CCDC171: variants seen among roughly 807,000 people sequenced by gnomAD.
CCDC171 encodes the protein coiled-coil domain-containing protein 171.
A neutral mutation model predicts 168.2 loss-of-function variants in CCDC171; 177 were observed. That is an observed-to-expected ratio of 1.05 (90% CI 0.93 to 1.19). The LOEUF is 1.19. CCDC171 is among the 50% of genes most tolerant of loss of function. The pLI, the probability that CCDC171 is intolerant of heterozygous loss-of-function variation, is 0.00. For synonymous variants in CCDC171, 687 were observed against 540.8 expected (o/e 1.27, Z -3.75); for missense variants, 1,991 against 1,539.0 (o/e 1.29, Z -4.91).
the CCDC171 span, among the ~76,000 whole-genome samples, chr9:16,102,496 G>C: frequency 0.023 from 3,434 of 147,832 alleles, 121 homozygotes; most frequent in African/African-American, 0.073. Context: ...GTTGGGGGGG[G>C]GCGGGGGTGG....
intron 1 of CCDC171, among the ~76,000 whole-genome samples, chr9:16,048,957 A>G (rs1833708492): frequency 6.6e-6 from 1 of 151,672 alleles, no homozygotes; most frequent in Non-Finnish European, 1.5e-5. Context: ...GACAAAAAAA[A>G]AAAAAACCCA....
intron 21 of CCDC171, among the ~76,000 whole-genome samples, chr9:15,822,626 C>G (rs1293726920): frequency 6.6e-6 from 1 of 152,022 alleles, no homozygotes; most frequent in African/African-American, 2.4e-5. Context: ...AAATCAAAAC[C>G]ACAGTGAGAT....
At chr9:16,079,737 A>G in the CCDC171 span, among the ~76,000 whole-genome samples, 11 of 152,230 alleles carry the variant, frequency 7.2e-5, no homozygotes, top group Admixed American at 1.3e-4. Flanking sequence ...GTTAGAGCAG[A>G]TTTAGCAACC....
intron 3 of CCDC171, among the ~76,000 whole-genome samples, chr9:15,979,338 G>C (rs1341027805): frequency 6.6e-6 from 1 of 152,146 alleles, no homozygotes; most frequent in Non-Finnish European, 1.5e-5. Flanking sequence ...AGTAGTAGTA[G>C]CAAGAGTGAA....
chr9:15,753,735 T>C (rs1391996841), intron 18 of CCDC171, among the ~76,000 whole-genome samples: 1 of 152,134 alleles, frequency 6.6e-6, no homozygotes, highest in African/African-American at 2.4e-5. Context: ...AGGAAAACTT[T>C]TTTTTAGGGT....
intron 6 of CCDC171, among the ~76,000 whole-genome samples, chr9:15,618,833 G>T (rs1273684838): frequency 6.6e-6 from 1 of 151,830 alleles, no homozygotes; most frequent in Non-Finnish European, 1.5e-5. Context: ...TCCGTGGGTT[G>T]CACCCAGTGC....
chr9:15,673,004 ATTTG>A (rs540125626), intron 9 of CCDC171, among the ~76,000 whole-genome samples: 112 of 152,260 alleles, frequency 7.4e-4, no homozygotes, highest in Non-Finnish European at 1.5e-3. Flanking sequence ...ATATTCTTCC[ATTTG>A]TTTGTGTCCT....
intron 21 of CCDC171, among the ~76,000 whole-genome samples, chr9:15,793,481 C>G (rs2058378739): frequency 6.7e-6 from 1 of 150,132 alleles, no homozygotes; most frequent in African/African-American, 2.5e-5. Flanking sequence ...TAGTAGACCT[C>G]TACAGAACTC....
chr9:15,729,753 G>A lies in CCDC171; in HGVS notation c.2004G>A (p.Glu668=). ...GGCACAGACAAAAGAAGGAACTAGA[G>A]CTGCAGTATTCTGAACTCTTCCTGG... ...SCWHRQKKEL[E]LQYSELFLEV... is the part of the protein sequence containing the mutation. The change falls in exon 16 of 26, where the codon GAG becomes GAA. Residue 668 remains glutamate (E), a synonymous_variant. Transcript: ENST00000380701. 2 of 1,613,208 alleles carry A rather than the reference G, an allele frequency of 1.2e-6. No individual in the cohort carries two copies. The highest frequency in any genetic ancestry group is 8.5e-7 in the Non-Finnish European group (1 of 1,179,360).
At chr9:15,890,821 T>C (rs1820120541) in intron 24 of CCDC171, among the ~76,000 whole-genome samples, 2 of 152,128 alleles carry the variant, frequency 1.3e-5, no homozygotes, top group South Asian at 2.1e-4. Context: ...CATACTTCAA[T>C]GAATTTTGTT....
At chr9:15,604,753 C>T (rs1023887208) in intron 6 of CCDC171, among the ~76,000 whole-genome samples, 5 of 151,986 alleles carry the variant, frequency 3.3e-5, no homozygotes, top group African/African-American at 1.2e-4. Context: ...AAAGCTGACC[C>T]AGTAAGTATG....
At chr9:15,897,084 G>C (rs1821006586) in intron 24 of CCDC171, among the ~76,000 whole-genome samples, 1 of 151,998 alleles carries the variant, frequency 6.6e-6, no homozygotes, top group Non-Finnish European at 1.5e-5. Flanking sequence ...AGCATGTATA[G>C]ATCTCATTCA....
chr9:15,730,921 G>C (rs781367233), intron 16 of CCDC171, among the ~76,000 whole-genome samples: 105 of 151,862 alleles, frequency 6.9e-4, no homozygotes, highest in Non-Finnish European at 1.3e-3. Flanking sequence ...TGTATAATTT[G>C]ATGTTTTTAA....
At chr9:15,726,221 C>A (rs948683668) in intron 14 of CCDC171, among the ~76,000 whole-genome samples, 1 of 152,120 alleles carries the variant, frequency 6.6e-6, no homozygotes, top group Non-Finnish European at 1.5e-5. Context: ...AAACTAGAAG[C>A]CTGACTATAT....
At chr9:16,064,779 T>C (rs1833974096), downstream of CCDC171, among the ~76,000 whole-genome samples, 1 of 152,220 alleles carries the variant, frequency 6.6e-6, no homozygotes, top group South Asian at 2.1e-4. Context: ...CCGTAATTTA[T>C]TTATCAGTTG....
At chr9:16,015,804 G>C (rs113057078) in intron 3 of CCDC171, among the ~76,000 whole-genome samples, 2,776 of 152,134 alleles carry the variant, frequency 0.018, 82 homozygotes, top group African/African-American at 0.062. Context: ...TTACAACCAC[G>C]ATTCTACTTT....
At chr9:15,859,978 C>G (rs1203849343) in intron 23 of CCDC171, among the ~76,000 whole-genome samples, 1 of 151,488 alleles carries the variant, frequency 6.6e-6, no homozygotes, top group Non-Finnish European at 1.5e-5. Context: ...CTGTTCAAGA[C>G]TTTCTATTTT....
intron 20 of CCDC171, among the ~76,000 whole-genome samples, chr9:15,782,314 T>C (rs1474339803): frequency 2.0e-5 from 3 of 152,252 alleles, no homozygotes; most frequent in Admixed American, 6.5e-5. Context: ...CCCAGTCTCA[T>C]GATCTTTGTT....
intron 9 of CCDC171, among the ~76,000 whole-genome samples, chr9:15,673,202 G>A (rs548919426): frequency 6.6e-6 from 1 of 152,318 alleles, no homozygotes; most frequent in South Asian, 2.1e-4. Flanking sequence ...CATTAATTTT[G>A]TATCCTGAGA....
Sources: gnomAD v4.1 joint callset for allele counts (sites outside exome capture counted in the v4.1 genomes callset) on GRCh38, gnomAD v4.1.1 for gene constraint, MANE v1.5 for transcripts, NCBI Gene and HGNC (gene_info 2026-07-23, HGNC 2026-07-21) for gene names.